Variants in NVL observed in about 807,000 individuals in gnomAD.
The protein encoded by NVL is nuclear VCP like, also known as nuclear valosin-containing protein-like.
In NVL, 84 loss-of-function variants were observed where a neutral mutation model predicts 110.2. The ratio of observed to expected loss-of-function variants is 0.76; its 90% CI spans 0.64 to 0.91. NVL has a LOEUF of 0.91. NVL is among the 40% of genes least tolerant of loss of function. The pLI, the probability that NVL is intolerant of heterozygous loss-of-function variation, is 0.00. For synonymous variants in NVL, 354 were observed against 361.1 expected (o/e 0.98, Z 0.22); for missense variants, 882 against 1,035.9 (o/e 0.85, Z 2.04).
chr1:224,277,466 G>A (rs531838951), intron 16 of NVL, among the ~76,000 whole-genome samples: 17 of 152,294 alleles, frequency 1.1e-4, no homozygotes, highest in Admixed American at 5.9e-4. Context: ...AATCAATACC[G>A]TTGGCAAAGT....
intron 18 of NVL, among the ~76,000 whole-genome samples, chr1:224,263,135 A>T (rs1487293634): frequency 6.6e-6 from 1 of 152,178 alleles, no homozygotes; most frequent in Non-Finnish European, 1.5e-5. Flanking sequence ...ATTAGAAGGG[A>T]TGGGAGAGAA....
chr1:224,294,299 G>C lies in NVL; in HGVS notation c.1293C>G (p.Cys431Trp). 2 of 1,614,030 alleles carry C rather than the reference G, an allele frequency of 1.2e-6. No individual in the cohort carries two copies. Among genetic ancestry groups the C allele is most frequent in the Non-Finnish European group, 1.7e-6 (2 of 1,180,006 alleles). The change falls in exon 12 of 23, where the codon TGC becomes TGG. Residue 431 changes from cysteine to tryptophan, a missense_variant. By Grantham distance (215) the Cys-to-Trp change is radical. Coordinates refer to ENST00000281701, the MANE Select transcript of NVL (RefSeq NM_002533.4). ...TGGATGCTTCATCTGGGATACCTAG[G>C]CATATTTCTCGGTCGAACCTTCCCG... ...RRAGRFDREI[C>W]LGIPDEASRE...
chr1:224,308,311 A>G, intron 5 of NVL, 48 bp from the exon 6 acceptor site: 1 of 1,532,100 alleles, frequency 6.5e-7, no homozygotes, highest in African/African-American at 1.4e-5. Flanking sequence ...CTCAACAGGT[A>G]CTCATAAAAG....
chr1:224,273,051 AC>A lies in NVL; in HGVS notation c.2082+2287del, dbSNP rs66489172. On this transcript the variant is annotated intron_variant, in intron 17 of 22. Coordinates refer to ENST00000281701, the MANE Select transcript of NVL (RefSeq NM_002533.4). ...TCCGTCTCAAAAAAAAACAAAAAAA[AC>A]AAACAAACAAAAAAAAACACAACAA... 4.8e-4 allele frequency among the ~76,000 whole-genome samples: 66 copies of A among 136,692 alleles called. 2 individuals are homozygous for A. Among genetic ancestry groups the A allele is most frequent in the African/African-American group, 1.1e-3 (36 of 34,130 alleles). 89.7% of individuals were successfully genotyped at this position (136,692 alleles called of 152,430 possible).
At chr1:224,245,546 A>G (rs2102740990) in intron 19 of NVL, among the ~76,000 whole-genome samples, 1 of 152,328 alleles carries the variant, frequency 6.6e-6, no homozygotes, top group East Asian at 1.9e-4. Flanking sequence ...CACAGTCAGA[A>G]TTGGAGCAAA....
In NVL at chr1:224,303,828, A is replaced by C. The variant is rs780675457; in HGVS notation, c.855T>G (p.Arg285=). The change falls in exon 9 of 23, where the codon CGT becomes CGG. Residue 285 remains arginine (R), a synonymous_variant. Coordinates refer to ENST00000281701, the MANE Select transcript of NVL (RefSeq NM_002533.4). ...CCAGGTGGTGGTACACCTCCGGGTG[A>C]CGCATGTGTATGAGCATCTTGCAGA... is the stretch of plus-strand genomic sequence containing the variant. ...KEVCKMLIHM[R]HPEVYHHLGV... 46 of 1,613,592 alleles carry C rather than the reference A, an allele frequency of 2.9e-5. No homozygotes were observed. Among genetic ancestry groups the C allele is most frequent in the Non-Finnish European group, 3.7e-5 (44 of 1,179,798 alleles).
At chr1:224,251,502 T>G (rs1463594062) in intron 18 of NVL, among the ~76,000 whole-genome samples, 1 of 151,840 alleles carries the variant, frequency 6.6e-6, no homozygotes, top group East Asian at 1.9e-4. Flanking sequence ...TAGCTGGGTG[T>G]GGTGGTCCAC....
intron 9 of NVL, chr1:224,303,002 T>C (rs150320832): frequency 0.012 from 2,643 of 223,890 alleles, 24 homozygotes; most frequent in Non-Finnish European, 0.016. Flanking sequence ...TGAGCCATGA[T>C]TGCACCATTG....
chr1:224,281,610 T>C (rs918231525), intron 15 of NVL, among the ~76,000 whole-genome samples: 1 of 151,466 alleles, frequency 6.6e-6, no homozygotes, highest in African/African-American at 2.4e-5. Context: ...CTTTTTGTGG[T>C]CTTAATTCTG....
rs1298441024 is a variant in NVL at position 224,227,554 on chromosome 1, G to T, written c.*72C>A. ...CGCGCCTGTGTCCAGCTGAAAGTGG[G>T]TCCTTCAGAGCGTGTGGGGGATTCT... On this transcript the variant is annotated 3_prime_UTR_variant, in exon 23 of 23. Coordinates refer to ENST00000281701, the MANE Select transcript of NVL (RefSeq NM_002533.4). 1.1e-5 allele frequency: 15 copies of T among 1,393,526 alleles called. 1 individual carries two copies. The Admixed American group carries it at 1.5e-4, about 14-fold the overall frequency. 86.3% of individuals were successfully genotyped at this position (1,393,526 alleles called of 1,614,324 possible). A position where few individuals can be genotyped will look rare whatever the true frequency, so the allele number is the denominator to read the frequency against.
At chr1:224,241,415 A>T (rs1353579770) in intron 19 of NVL, among the ~76,000 whole-genome samples, 1 of 152,186 alleles carries the variant, frequency 6.6e-6, no homozygotes, top group Non-Finnish European at 1.5e-5. Flanking sequence ...GCTTAAATTA[A>T]TTTGGTTTTT....
Position 224,275,378 on chromosome 1 carries a change from A to G in NVL, c.2043T>C (p.Asp681=), listed in dbSNP as rs1464358007. 6.8e-6 allele frequency: 11 copies of G among 1,614,194 alleles called. No individual in the cohort carries two copies. The highest frequency in any genetic ancestry group is 9.3e-6 in the Non-Finnish European group (11 of 1,180,032). Residue 681 remains aspartate, a synonymous_variant, in exon 17 of 23, where the codon GAT becomes GAC. Transcript: ENST00000281701. ...TTCGAGGACATAAAGCATCCACTTC[A>G]TCAAAGAATATCACACAGGGTGCTG... ...KNSAPCVIFF[D]EVDALCPRRS... is the part of the protein sequence containing the mutation.
chr1:224,296,826 T>C (rs1459777707), intron 10 of NVL, among the ~76,000 whole-genome samples: 1 of 152,200 alleles, frequency 6.6e-6, no homozygotes, highest in Non-Finnish European at 1.5e-5. Context: ...AGTAAGAGAC[T>C]GCAGATAGGG....
intron 17 of NVL, among the ~76,000 whole-genome samples, chr1:224,274,080 A>C (rs969777056): frequency 1.4e-5 from 2 of 138,290 alleles, no homozygotes. Context: ...AATAAATCAC[A>C]AAAGATTTCC....
At chr1:224,274,631 C>A (rs1233352789) in intron 17 of NVL, among the ~76,000 whole-genome samples, 1 of 152,006 alleles carries the variant, frequency 6.6e-6, no homozygotes, top group East Asian at 1.9e-4. Flanking sequence ...AGCAAAACTC[C>A]GTCTCGAAAA....
At chr1:224,323,024 G>A (rs372063838) in intron 2 of NVL, among the ~76,000 whole-genome samples, 29 of 152,014 alleles carry the variant, frequency 1.9e-4, no homozygotes, top group Admixed American at 5.9e-4. Context: ...TGTACAGGAA[G>A]GTTCTATAGT....
intron 12 of NVL, among the ~76,000 whole-genome samples, chr1:224,293,377 T>C (rs1306283244): frequency 6.6e-6 from 1 of 152,086 alleles, no homozygotes; most frequent in African/African-American, 2.4e-5. Flanking sequence ...CCCAGAACAT[T>C]TCTTAACTAG....
chr1:224,244,362 C>T (rs753289660), intron 19 of NVL, among the ~76,000 whole-genome samples: 15 of 150,904 alleles, frequency 9.9e-5, no homozygotes, highest in Non-Finnish European at 1.9e-4. Context: ...AGCAAAACTC[C>T]GTCTCAAAAA....
At chr1:224,296,643 G>C in intron 10 of NVL, 25 bp from the exon 11 acceptor site, 2 of 1,431,294 alleles carry the variant, frequency 1.4e-6, no homozygotes, top group East Asian at 2.3e-5. Flanking sequence ...ATCACAAAAA[G>C]ACAATCATAA....
Sources: allele counts gnomAD v4.1 joint callset (sites outside exome capture counted in the v4.1 genomes callset), GRCh38; gene constraint gnomAD v4.1.1; transcripts MANE v1.5; gene names NCBI Gene and HGNC (gene_info 2026-07-23, HGNC 2026-07-21).